The following SAMTOR variants were observed in gnomAD, a reference collection of about 807,000 sequenced individuals.
SAMTOR encodes S-adenosylmethionine sensor upstream of mTORC1.
At chr7:112,862,694 C>T in the SAMTOR span, among the ~76,000 whole-genome samples, 35 of 152,044 alleles carry the variant, frequency 2.3e-4, no homozygotes, top group Admixed American at 6.6e-5. Flanking sequence ...TTTGGGAGGC[C>T]AAGGTGGGTG....
chr7:112,926,474 G>T, the SAMTOR span, among the ~76,000 whole-genome samples: 1 of 152,126 alleles, frequency 6.6e-6, no homozygotes, highest in East Asian at 1.9e-4. Context: ...CCTCACTGAA[G>T]TCCTAAGGAA....
chr7:112,922,147 G>A, the SAMTOR span, among the ~76,000 whole-genome samples: 3 of 152,170 alleles, frequency 2.0e-5, no homozygotes, highest in African/African-American at 4.8e-5. Context: ...TGGTGGAGAC[G>A]GGGTTTCGCT....
the SAMTOR span, among the ~76,000 whole-genome samples, chr7:112,825,321 C>T: frequency 2.0e-5 from 3 of 152,230 alleles, no homozygotes; most frequent in South Asian, 6.2e-4. Flanking sequence ...GCCACTGCAC[C>T]CACCTTAGGT....
chr7:112,862,667 G>A, the SAMTOR span, among the ~76,000 whole-genome samples: 1 of 152,178 alleles, frequency 6.6e-6, no homozygotes, highest in African/African-American at 2.4e-5. Context: ...GGTGGCTCAT[G>A]CCTGTAATCT....
the SAMTOR span, among the ~76,000 whole-genome samples, chr7:112,888,849 A>G: frequency 6.6e-6 from 1 of 152,172 alleles, no homozygotes; most frequent in Admixed American, 6.5e-5. Context: ...CCTTTATTTC[A>G]TCTACATATT....
the SAMTOR span, among the ~76,000 whole-genome samples, chr7:112,920,440 G>T: frequency 6.7e-6 from 1 of 150,058 alleles, no homozygotes. Context: ...GGTATTGATG[G>T]GACATATCTC....
At chr7:112,916,794 C>G in the SAMTOR span, among the ~76,000 whole-genome samples, 1 of 152,200 alleles carries the variant, frequency 6.6e-6, no homozygotes, top group African/African-American at 2.4e-5. Context: ...AGATTATATC[C>G]CACACCTGAC....
At chr7:112,915,649 TAAATA>T in the SAMTOR span, among the ~76,000 whole-genome samples, 1 of 152,220 alleles carries the variant, frequency 6.6e-6, no homozygotes, top group Non-Finnish European at 1.5e-5. Flanking sequence ...TAAAAATGTT[TAAATA>T]AAAGTTCCTT....
the SAMTOR span, among the ~76,000 whole-genome samples, chr7:112,910,172 T>G: frequency 6.6e-6 from 1 of 151,854 alleles, no homozygotes; most frequent in Non-Finnish European, 1.5e-5. Flanking sequence ...AAAAAAAGAC[T>G]AATAATGAAA....
At chr7:112,859,568 G>A in the SAMTOR span, among the ~76,000 whole-genome samples, 1 of 152,170 alleles carries the variant, frequency 6.6e-6, no homozygotes, top group African/African-American at 2.4e-5. Flanking sequence ...TGGGAGATGA[G>A]AGCTCCTTTG....
chr7:112,923,985 T>C, the SAMTOR span, among the ~76,000 whole-genome samples: 81 of 150,596 alleles, frequency 5.4e-4, no homozygotes, highest in African/African-American at 1.8e-3. Context: ...TAGGTGGGAA[T>C]TGAATAATGA....
chr7:112,825,045 A>AG, the SAMTOR span, among the ~76,000 whole-genome samples: 2 of 152,058 alleles, frequency 1.3e-5, no homozygotes, highest in African/African-American at 4.8e-5. Flanking sequence ...CTATACAGAC[A>AG]GGGTCTCACT....
the SAMTOR span, among the ~76,000 whole-genome samples, chr7:112,892,605 T>C: frequency 1.3e-5 from 2 of 151,926 alleles, no homozygotes; most frequent in African/African-American, 4.8e-5. Context: ...TCTCTCTCTA[T>C]AAAAAATTTT....
chr7:112,852,274 C>T, the SAMTOR span, among the ~76,000 whole-genome samples: 3 of 152,172 alleles, frequency 2.0e-5, no homozygotes, highest in South Asian at 2.1e-4. Context: ...TGGAATTCTA[C>T]GCAGCCATAA....
At chr7:112,882,208 GC>G in the SAMTOR span, among the ~76,000 whole-genome samples, 24 of 152,174 alleles carry the variant, frequency 1.6e-4, no homozygotes, top group African/African-American at 4.8e-4. Context: ...CACACCCCTT[GC>G]CACTCTGCAC....
At chr7:112,920,288 G>T in the SAMTOR span, among the ~76,000 whole-genome samples, 1 of 152,152 alleles carries the variant, frequency 6.6e-6, no homozygotes, top group Non-Finnish European at 1.5e-5. Context: ...TGCAAGGCTG[G>T]TTCAATACAC....
At chr7:112,912,957 T>C in the SAMTOR span, among the ~76,000 whole-genome samples, 1 of 152,178 alleles carries the variant, frequency 6.6e-6, no homozygotes, top group Non-Finnish European at 1.5e-5. Flanking sequence ...CCTGCTGTAC[T>C]GTAATAGTAA....
At chr7:112,935,024 T>C in the SAMTOR span, among the ~76,000 whole-genome samples, 4 of 152,208 alleles carry the variant, frequency 2.6e-5, no homozygotes, top group African/African-American at 4.8e-5. Flanking sequence ...CTGTTGGGAA[T>C]GGCAGTTCAA....
chr7:112,917,839 AG>A, the SAMTOR span, among the ~76,000 whole-genome samples: 1 of 152,198 alleles, frequency 6.6e-6, no homozygotes. Flanking sequence ...ACTGGAAGAA[AG>A]GGTATCAGTG....
Sources: gnomAD v4.1 joint callset for allele counts (sites outside exome capture counted in the v4.1 genomes callset) on GRCh38, gnomAD v4.1.1 for gene constraint, MANE v1.5 for transcripts, NCBI Gene and HGNC (gene_info 2026-07-23, HGNC 2026-07-21) for gene names.